The following TRIM33 variants were observed in gnomAD, a reference collection of about 807,000 sequenced individuals.
TRIM33 encodes E3 ubiquitin-protein ligase TRIM33.
TRIM33 carries 20 observed loss-of-function variants against 125.4 expected under a neutral mutation model. That is an observed-to-expected ratio of 0.16 (90% confidence interval 0.11 to 0.23). The LOEUF (loss-of-function observed/expected upper bound fraction) is 0.23, where lower values mean the gene tolerates loss of function less well. TRIM33 is among the 10% of genes least tolerant of loss of function. The pLI, the probability that TRIM33 is intolerant of heterozygous loss-of-function variation, is 1.00. For synonymous variants in TRIM33, 564 were observed against 513.9 expected (o/e 1.10, Z -1.32); for missense variants, 920 against 1,411.4 (o/e 0.65, Z 5.58).
chr1:114,408,230 T>C (rs527510798), intron 13 of TRIM33, among the ~76,000 whole-genome samples: 6 of 152,236 alleles, frequency 3.9e-5, no homozygotes, highest in East Asian at 3.9e-4. Context: ...AATTAACTGA[T>C]AGTGATGTAA....
intron 6 of TRIM33, among the ~76,000 whole-genome samples, chr1:114,429,721 A>G (rs921646798): frequency 5.3e-5 from 8 of 152,186 alleles, no homozygotes; most frequent in African/African-American, 1.9e-4. Context: ...AGAAAAAATA[A>G]TCCCCATATC....
chr1:114,398,288 C>G (rs184323017), intron 18 of TRIM33, among the ~76,000 whole-genome samples: 1 of 152,256 alleles, frequency 6.6e-6, no homozygotes, highest in Admixed American at 6.5e-5. Context: ...ATTTGTGAAG[C>G]ATATTATACA....
intron 1 of TRIM33, among the ~76,000 whole-genome samples, chr1:114,494,910 A>AGTT (rs113782004): frequency 6.6e-5 from 10 of 152,138 alleles, no homozygotes; most frequent in East Asian, 5.8e-4. Flanking sequence ...AGAATAGAGT[A>AGTT]GTTGTTGTTG....
chr1:114,463,080 G>T, intron 4 of TRIM33, 24 bp downstream of exon 4: 1 of 1,548,244 alleles, frequency 6.5e-7, no homozygotes, highest in South Asian at 1.3e-5. Context: ...AGTATTTCCT[G>T]GTAAGCAATT....
intron 4 of TRIM33, among the ~76,000 whole-genome samples, chr1:114,455,182 C>A (rs1649550311): frequency 6.6e-6 from 1 of 152,080 alleles, no homozygotes; most frequent in African/African-American, 2.4e-5. Context: ...GGACAGCTAG[C>A]CCAGTGGACT....
intron 1 of TRIM33, 78 bp downstream of exon 1, chr1:114,510,473 C>T (rs1376304013): frequency 1.4e-5 from 19 of 1,352,476 alleles, no homozygotes; most frequent in Non-Finnish European, 1.7e-5. Flanking sequence ...CCCCAGGCCC[C>T]AGCACCTCCG....
chr1:114,430,990 C>A, intron 5 of TRIM33, 78 bp from the exon 6 acceptor site: 1 of 843,878 alleles, frequency 1.2e-6, no homozygotes, highest in East Asian at 2.4e-5. Flanking sequence ...GAAATTCATC[C>A]AACTGGGCAC....
In TRIM33 at chr1:114,394,839, G is replaced by A. The variant is rs1651458752; in HGVS notation, c.*2809C>T. Reference sequence around the variant, plus strand: ...CAAATTTAGGTCAGCGGAACAGACTGAGCAACACTTTGTTCTTAGTTTTCT... The same window carrying A: ...CAAATTTAGGTCAGCGGAACAGACTAAGCAACACTTTGTTCTTAGTTTTCT... On this transcript the variant is annotated 3_prime_UTR_variant, in exon 20 of 20. Transcript: ENST00000358465. 3 of 195,768 alleles carry A rather than the reference G, an allele frequency of 1.5e-5. No homozygotes were observed. The Admixed American group carries it at 1.8e-4, about 12-fold the overall frequency. The allele number at this position is 195,768 out of a possible 1,614,324, so 12.1% of individuals were successfully genotyped here.
intron 18 of TRIM33, among the ~76,000 whole-genome samples, 173 bp from the exon 19 acceptor site, chr1:114,398,163 C>T (rs539004601): frequency 6.6e-6 from 1 of 152,268 alleles, no homozygotes; most frequent in African/African-American, 2.4e-5. Flanking sequence ...ATTTTCTTTA[C>T]AAAGCCCTGT....
chr1:114,482,012 C>T (rs558642830), intron 1 of TRIM33, among the ~76,000 whole-genome samples: 19 of 152,230 alleles, frequency 1.2e-4, no homozygotes, highest in African/African-American at 3.6e-4. Context: ...CTGCCCACCT[C>T]GGCCTCCCAA....
chr1:114,485,545 G>C (rs1181015993), intron 1 of TRIM33, among the ~76,000 whole-genome samples: 1 of 152,164 alleles, frequency 6.6e-6, no homozygotes, highest in Non-Finnish European at 1.5e-5. Context: ...CAAGGGCTCA[G>C]TGGAACTGAA....
At chr1:114,412,109 C>T (rs1652630479) in intron 11 of TRIM33, among the ~76,000 whole-genome samples, 1 of 152,082 alleles carries the variant, frequency 6.6e-6, no homozygotes, top group Admixed American at 6.6e-5. Context: ...TCATTTTAAT[C>T]CATCACTGGA....
chr1:114,466,522 G>A (rs779274078), intron 1 of TRIM33, among the ~76,000 whole-genome samples: 5 of 152,140 alleles, frequency 3.3e-5, no homozygotes, highest in Non-Finnish European at 5.9e-5. Context: ...GAGGCTTTAA[G>A]CCATACCGTG....
At chr1:114,457,237 T>G (rs1171242815) in intron 4 of TRIM33, among the ~76,000 whole-genome samples, 1 of 152,192 alleles carries the variant, frequency 6.6e-6, no homozygotes, top group Non-Finnish European at 1.5e-5. Flanking sequence ...TTTGTCCATG[T>G]CCGGCCCTAT....
intron 4 of TRIM33, among the ~76,000 whole-genome samples, chr1:114,453,001 A>G (rs1475852644): frequency 6.6e-6 from 1 of 152,132 alleles, no homozygotes; most frequent in Non-Finnish European, 1.5e-5. Flanking sequence ...AAAAGTCCTT[A>G]AGTCCAGAGC....
intron 4 of TRIM33, among the ~76,000 whole-genome samples, chr1:114,448,303 A>T (rs1649115169): frequency 1.3e-5 from 2 of 152,192 alleles, no homozygotes; most frequent in African/African-American, 2.4e-5. Flanking sequence ...TGGTAGAGGG[A>T]GTCTGTAGTT....
chr1:114,500,760 G>A (rs889299317), intron 1 of TRIM33, among the ~76,000 whole-genome samples: 1 of 151,224 alleles, frequency 6.6e-6, no homozygotes, highest in Non-Finnish European at 1.5e-5. Context: ...AAAAAAAGGA[G>A]GAAAAACTAT....
intron 4 of TRIM33, among the ~76,000 whole-genome samples, chr1:114,444,958 G>C (rs1467109574): frequency 6.6e-6 from 1 of 151,924 alleles, no homozygotes; most frequent in African/African-American, 2.4e-5. Flanking sequence ...CAAACTGACA[G>C]GAAATCTCAA....
At chr1:114,488,365 T>C (rs1651845344) in intron 1 of TRIM33, among the ~76,000 whole-genome samples, 1 of 152,114 alleles carries the variant, frequency 6.6e-6, no homozygotes, top group Admixed American at 6.6e-5. Flanking sequence ...CCTAAACACA[T>C]GAACTAAATA....
Sources: gnomAD v4.1 joint callset for allele counts (sites outside exome capture counted in the v4.1 genomes callset) on GRCh38, gnomAD v4.1.1 for gene constraint, MANE v1.5 for transcripts, NCBI Gene and HGNC (gene_info 2026-07-23, HGNC 2026-07-21) for gene names.